The following NAALADL2 variants were observed in gnomAD, a reference collection of about 807,000 sequenced individuals.
The protein encoded by NAALADL2 is inactive N-acetylated-alpha-linked acidic dipeptidase-like protein 2.
Under a neutral mutation model 87.2 loss-of-function variants are expected in NAALADL2, and 76 were observed. That is an observed-to-expected ratio of 0.87 (90% CI 0.72 to 1.05). The LOEUF (loss-of-function observed/expected upper bound fraction) is 1.05, where lower values mean the gene tolerates loss of function less well. Among genes scored for constraint, NAALADL2 ranks in the 50% least tolerant of loss-of-function variants. The pLI is 0.00. For synonymous variants in NAALADL2, 354 were observed against 331.0 expected, an observed-to-expected ratio of 1.07 and a Z score of -0.75; for missense variants, 1,089 against 945.8, an observed-to-expected ratio of 1.15 and a Z score of -1.99.
rs55718419 is a variant in NAALADL2, at chr3:175,650,074, A to AAC, written c.1896+22688_1896+22689insAC. On this transcript the variant is annotated intron_variant, in intron 11 of 13. Transcript: ENST00000454872. ...CCCCACACCAAAAAAAAAAAAAAAA[A>AAC]CCCTCAGATTTCTATCAATTTTGCA... 3.1e-4 allele frequency among the ~76,000 whole-genome samples: 47 copies of AAC among 150,900 alleles called. 1 individual carries two copies. The highest frequency in any genetic ancestry group is 1.1e-3 in the African/African-American group (44 of 41,050).
intron 9 of NAALADL2, among the ~76,000 whole-genome samples, chr3:175,498,611 G>A (rs1263265353): frequency 2.0e-5 from 3 of 152,050 alleles, no homozygotes; most frequent in African/African-American, 7.2e-5. Context: ...TTTTATAGGT[G>A]ATTTTGCTTT....
At chr3:174,560,030 T>C (rs927995507) in intron 2 of NAALADL2, among the ~76,000 whole-genome samples, 3 of 152,212 alleles carry the variant, frequency 2.0e-5, no homozygotes, top group Non-Finnish European at 2.9e-5. Context: ...ACTATATAAT[T>C]TCAGAAATAA....
At chr3:175,110,877 T>C (rs1724074670) in intron 2 of NAALADL2, among the ~76,000 whole-genome samples, 1 of 151,702 alleles carries the variant, frequency 6.6e-6, no homozygotes, top group Non-Finnish European at 1.5e-5. Flanking sequence ...AGAAACAAGA[T>C]GAATGACAAG....
At chr3:175,063,645 T>A (rs1007668858) in intron 1 of NAALADL2, among the ~76,000 whole-genome samples, 1 of 151,902 alleles carries the variant, frequency 6.6e-6, no homozygotes, top group Non-Finnish European at 1.5e-5. Context: ...TCCCCACTAA[T>A]TTTTTTACTT....
intron 5 of NAALADL2, among the ~76,000 whole-genome samples, chr3:175,332,656 G>C (rs912834572): frequency 6.6e-6 from 1 of 152,186 alleles, no homozygotes; most frequent in Non-Finnish European, 1.5e-5. Flanking sequence ...TTAACATATA[G>C]TCTTTCATGG....
chr3:175,365,046 A>C (rs1357013117), intron 5 of NAALADL2, among the ~76,000 whole-genome samples: 1 of 147,918 alleles, frequency 6.8e-6, no homozygotes, highest in Non-Finnish European at 1.5e-5. Context: ...CATATAGCAC[A>C]GCTTTCCATA....
chr3:175,695,632 A>T (rs1254323378), intron 11 of NAALADL2, among the ~76,000 whole-genome samples: 1 of 152,178 alleles, frequency 6.6e-6, no homozygotes, highest in Non-Finnish European at 1.5e-5. Flanking sequence ...TACTATAATG[A>T]GCAGCAACCA....
chr3:175,183,038 T>C (rs1202499956), intron 2 of NAALADL2, among the ~76,000 whole-genome samples: 1 of 123,156 alleles, frequency 8.1e-6, no homozygotes, highest in Non-Finnish European at 1.8e-5. Context: ...TTTGTGGTTC[T>C]ATATGAACTT....
intron 3 of NAALADL2, among the ~76,000 whole-genome samples, chr3:174,833,627 A>G (rs1283786553): frequency 6.6e-6 from 1 of 152,164 alleles, no homozygotes; most frequent in Non-Finnish European, 1.5e-5. Flanking sequence ...ACTTTTATGT[A>G]TATCATAAAT....
At position 175,463,460 on chromosome 3, in the gene NAALADL2, G is replaced by A; in HGVS notation, c.1294G>A (p.Val432Ile). The A allele has an allele frequency of 6.3e-7, 1 of 1,599,998 alleles. No homozygotes were observed. The highest frequency in any genetic ancestry group is 8.5e-7 in the Non-Finnish European group (1 of 1,172,178). ...CACAAAATTGAAAACAGTTACTAATGTTGTTGGATTTGTAATGGGCTTGAC... is the reference window on the plus strand; with the variant it reads ...CACAAAATTGAAAACAGTTACTAATATTGTTGGATTTGTAATGGGCTTGAC... ...TVTKLKTVTN[V>I]VGFVMGLTSP... The change falls in exon 7 of 14, where the codon GTT becomes ATT. Residue 432 changes from valine (V) to isoleucine (I), a missense_variant. Val to Ile is a conservative substitution (Grantham distance 29). Coordinates refer to ENST00000454872, the MANE Select transcript of NAALADL2 (RefSeq NM_207015.3).
chr3:175,548,155 T>C (rs1007680053), intron 9 of NAALADL2, among the ~76,000 whole-genome samples: 1 of 152,046 alleles, frequency 6.6e-6, no homozygotes, highest in Admixed American at 6.6e-5. Context: ...TCAACCTAAA[T>C]GCTCAACAAT....
chr3:175,057,037 TG>T (rs1167212020), intron 1 of NAALADL2, among the ~76,000 whole-genome samples: 2 of 152,210 alleles, frequency 1.3e-5, no homozygotes, highest in African/African-American at 4.8e-5. Flanking sequence ...CATTTCTAAT[TG>T]TAGATAATGT....
chr3:174,752,228 G>A (rs1467056496), intron 3 of NAALADL2, among the ~76,000 whole-genome samples: 1 of 151,902 alleles, frequency 6.6e-6, no homozygotes, highest in Non-Finnish European at 1.5e-5. Flanking sequence ...CACCTGTCTC[G>A]GCCTCCCAAA....
At chr3:174,916,808 C>T (rs1734477992) in intron 1 of NAALADL2, among the ~76,000 whole-genome samples, 1 of 151,966 alleles carries the variant, frequency 6.6e-6, no homozygotes, top group Admixed American at 6.6e-5. Context: ...CTGAAATCAC[C>T]ACTAAAAAAC....
At chr3:174,625,057 C>CTCTTT (rs748895219) in intron 2 of NAALADL2, among the ~76,000 whole-genome samples, 5 of 78,860 alleles carry the variant, frequency 6.3e-5, no homozygotes, top group African/African-American at 2.5e-4. Context: ...CTCTCTCTCT[C>CTCTTT]TTTTTTTTTT....
chr3:175,471,613 AG>A (rs1322673091), intron 8 of NAALADL2, 25 bp from the exon 9 acceptor site: 29 of 1,185,434 alleles, frequency 2.4e-5, no homozygotes, highest in Non-Finnish European at 3.1e-5. Context: ...TCTTACAGAT[AG>A]ATCCTTTTTT....
intron 11 of NAALADL2, among the ~76,000 whole-genome samples, chr3:175,661,596 C>G (rs1394401337): frequency 6.6e-6 from 1 of 151,696 alleles, no homozygotes; most frequent in Non-Finnish European, 1.5e-5. Context: ...GTTCCTGTAG[C>G]ATTTTCTCAT....
At chr3:175,280,713 GAACA>G (rs747839091) in intron 4 of NAALADL2, among the ~76,000 whole-genome samples, 63 of 151,944 alleles carry the variant, frequency 4.1e-4, no homozygotes, top group Non-Finnish European at 8.0e-4. Flanking sequence ...TCTGCCACAT[GAACA>G]AACAGTGTAT....
chr3:175,614,154 G>A (rs1725030307), intron 10 of NAALADL2, among the ~76,000 whole-genome samples: 1 of 152,176 alleles, frequency 6.6e-6, no homozygotes, highest in South Asian at 2.1e-4. Context: ...CGGGGTTCAA[G>A]CAATTCTCCT....
Sources: allele counts gnomAD v4.1 joint callset (sites outside exome capture counted in the v4.1 genomes callset), GRCh38; gene constraint gnomAD v4.1.1; transcripts MANE v1.5; gene names NCBI Gene and HGNC (gene_info 2026-07-23, HGNC 2026-07-21).